Variants in IL1RAPL1 observed in about 807,000 individuals in gnomAD.
IL1RAPL1 encodes the protein interleukin-1 receptor accessory protein-like 1.
Under a neutral mutation model 48.4 loss-of-function variants are expected in IL1RAPL1, and 3 were observed. The observed-to-expected ratio is 0.06, with a 90% CI of 0.03 to 0.16. The LOEUF is 0.16. Ranked by LOEUF, IL1RAPL1 falls within the 10% of genes least tolerant of loss-of-function variation. The pLI is 1.00. For missense variants in IL1RAPL1, 349 were observed against 530.6 expected, an observed-to-expected ratio of 0.66 and a Z score of 3.36; for synonymous variants, 185 against 187.7, an observed-to-expected ratio of 0.99 and a Z score of 0.12.
chrX:28,595,273 A>G (rs778985251), intron 1 of IL1RAPL1, among the ~76,000 whole-genome samples: 2 of 112,601 alleles, frequency 1.8e-5, no homozygotes, highest in East Asian at 5.6e-4. Flanking sequence ...GTGTATCCTC[A>G]TATCCTAATG....
intron 5 of IL1RAPL1, among the ~76,000 whole-genome samples, chrX:29,459,910 C>T (rs771930860): frequency 2.3e-4 from 26 of 111,238 alleles, no homozygotes; most frequent in Admixed American, 3.8e-4. Context: ...AACATATTGC[C>T]CCCCACAGCC....
At chrX:28,788,795 A>G (rs1257132803) in intron 1 of IL1RAPL1, among the ~76,000 whole-genome samples, 2 of 110,962 alleles carry the variant, frequency 1.8e-5, no homozygotes, top group African/African-American at 3.3e-5. Context: ...AATAAAAACA[A>G]AAGTCTTAAA....
chrX:29,418,556 T>C (rs757083843), intron 5 of IL1RAPL1, among the ~76,000 whole-genome samples: 36 of 112,160 alleles, frequency 3.2e-4, no homozygotes, highest in Middle Eastern at 4.6e-3. Flanking sequence ...CAATTAGATA[T>C]TGTTGCTATG....
intron 2 of IL1RAPL1, among the ~76,000 whole-genome samples, chrX:29,085,933 G>A (rs1927943456): frequency 8.9e-6 from 1 of 112,128 alleles, no homozygotes; most frequent in African/African-American, 3.2e-5. Context: ...TAAAATGTTA[G>A]TGGGCTTGAG....
rs775131777 is a variant in IL1RAPL1, at chrX:28,765,704, TAAAAA to T, written c.-24-23615_-24-23611del. The stretch of plus-strand genomic sequence containing the variant: ...GAAAATATATATTCTTACACTGACT[TAAAAA>T]GATAAAGTATTGATAATTTCACATC... On this transcript the variant is annotated intron_variant, in intron 1 of 10. Transcript: ENST00000378993. Among the ~76,000 whole-genome samples the T allele has an allele frequency of 5.4e-3, 606 of 112,004 alleles. 2 individuals are homozygous for T. Among genetic ancestry groups the T allele is most frequent in the Non-Finnish European group, 8.6e-3 (456 of 53,157 alleles).
intron 2 of IL1RAPL1, among the ~76,000 whole-genome samples, chrX:28,795,522 G>A (rs1240793588): frequency 9.0e-6 from 1 of 111,117 alleles, no homozygotes; most frequent in African/African-American, 3.3e-5. Context: ...CAGTATGAAT[G>A]AATCTTCCAA....
intron 5 of IL1RAPL1, among the ~76,000 whole-genome samples, chrX:29,649,884 T>C (rs923339785): frequency 2.7e-5 from 3 of 111,748 alleles, no homozygotes; most frequent in Non-Finnish European, 3.8e-5. Context: ...CAAAAAACTT[T>C]AGAACTAATA....
intron 2 of IL1RAPL1, among the ~76,000 whole-genome samples, chrX:29,107,395 G>T (rs1389947499): frequency 8.9e-6 from 1 of 112,142 alleles, no homozygotes; most frequent in African/African-American, 3.2e-5. Flanking sequence ...GATGCTGTTT[G>T]ATTTGGCATA....
chrX:29,940,356 T>C (rs1307571335), intron 8 of IL1RAPL1, among the ~76,000 whole-genome samples: 1 of 111,861 alleles, frequency 8.9e-6, no homozygotes, highest in Admixed American at 9.5e-5. Context: ...GGGTACTTGT[T>C]ACCAGCAAAA....
At chrX:28,821,781 T>G (rs1936939950) in intron 2 of IL1RAPL1, among the ~76,000 whole-genome samples, 1 of 111,226 alleles carries the variant, frequency 9.0e-6, no homozygotes, top group Non-Finnish European at 1.9e-5. Flanking sequence ...AGTTTACTGA[T>G]GGAAGGGGTT....
At chrX:28,663,317 A>G (rs763444980) in intron 1 of IL1RAPL1, among the ~76,000 whole-genome samples, 1 of 111,855 alleles carries the variant, frequency 8.9e-6, no homozygotes, top group East Asian at 2.8e-4. Flanking sequence ...TGCTCTCTAG[A>G]CTTCTGCTTT....
chrX:29,534,829 C>T (rs906889002), intron 5 of IL1RAPL1, among the ~76,000 whole-genome samples: 8 of 109,723 alleles, frequency 7.3e-5, no homozygotes, highest in Admixed American at 4.8e-4. Flanking sequence ...ATTAGCCGGG[C>T]GTGGTGGCGG....
chrX:29,071,245 A>G (rs1175435419), intron 2 of IL1RAPL1, among the ~76,000 whole-genome samples: 1 of 111,826 alleles, frequency 8.9e-6, no homozygotes, highest in Non-Finnish European at 1.9e-5. Context: ...GAATAAATAT[A>G]TCAGAAGGTC....
intron 2 of IL1RAPL1, among the ~76,000 whole-genome samples, chrX:28,984,485 C>T (rs779273682): frequency 3.6e-5 from 4 of 111,935 alleles, no homozygotes; most frequent in Non-Finnish European, 5.6e-5. Flanking sequence ...TTGATATTTA[C>T]TGTTTTGCAA....
At chrX:29,086,655 C>G (rs1208894694) in intron 2 of IL1RAPL1, among the ~76,000 whole-genome samples, 1 of 111,956 alleles carries the variant, frequency 8.9e-6, no homozygotes, top group Non-Finnish European at 1.9e-5. Flanking sequence ...TGCTTTGTAA[C>G]ATAGAGAACT....
chrX:29,252,870 T>C (rs1931690106), intron 2 of IL1RAPL1, among the ~76,000 whole-genome samples: 1 of 111,391 alleles, frequency 9.0e-6, no homozygotes, highest in Non-Finnish European at 1.9e-5. Context: ...ACCACTCTTT[T>C]ATAAGTAATT....
intron 2 of IL1RAPL1, among the ~76,000 whole-genome samples, chrX:29,161,585 C>A (rs1288474574): frequency 8.9e-6 from 1 of 111,980 alleles, no homozygotes; most frequent in Non-Finnish European, 1.9e-5. Flanking sequence ...ATCAGCTTTC[C>A]CTTAATCTTG....
intron 2 of IL1RAPL1, among the ~76,000 whole-genome samples, chrX:29,255,441 G>A (rs765597790): frequency 3.7e-5 from 4 of 109,283 alleles, no homozygotes; most frequent in African/African-American, 1.3e-4. Context: ...TCTTATTTTC[G>A]TGGCCTCTAA....
At chrX:29,651,614 G>A (rs970678029) in intron 5 of IL1RAPL1, among the ~76,000 whole-genome samples, 22 of 111,110 alleles carry the variant, frequency 2.0e-4, no homozygotes, top group African/African-American at 6.9e-4. Flanking sequence ...CCAGAGGCTG[G>A]GGTGGCTGGG....
Sources: gnomAD v4.1 joint callset for allele counts (sites outside exome capture counted in the v4.1 genomes callset) on GRCh38, gnomAD v4.1.1 for gene constraint, MANE v1.5 for transcripts, NCBI Gene and HGNC (gene_info 2026-07-23, HGNC 2026-07-21) for gene names.